Variants in RECQL5 observed in about 807,000 individuals in gnomAD.
The protein encoded by RECQL5 is RecQ like helicase 5.
RECQL5 carries 88 observed loss-of-function variants against 103.4 expected under a neutral mutation model. That is an observed-to-expected ratio of 0.85 (90% confidence interval 0.72 to 1.02). RECQL5 has a LOEUF of 1.02. RECQL5 is among the 50% of genes least tolerant of loss of function. The probability of loss-of-function intolerance (pLI) is 0.00; values close to 1 mark genes in which losing one functional copy is unlikely to be tolerated. For synonymous variants in RECQL5, 552 were observed against 507.9 expected (o/e 1.09, Z -1.17); for missense variants, 1,232 against 1,284.3 (o/e 0.96, Z 0.62).
intron 8 of RECQL5, among the ~76,000 whole-genome samples, chr17:75,644,543 G>T (rs945487691): frequency 4.0e-5 from 6 of 151,298 alleles, no homozygotes; most frequent in African/African-American, 1.5e-4. Context: ...CATGACAGTG[G>T]CACTGCACTC....
chr17:75,661,532 A>T, intron 5 of RECQL5, 74 bp downstream of exon 5: 1 of 1,000,318 alleles, frequency 1.0e-6, no homozygotes, highest in Non-Finnish European at 1.6e-6. Flanking sequence ...GATAACCAGG[A>T]TCTGTAAAGA....
At position 75,629,332 on chromosome 17, in the gene RECQL5, G is replaced by A. The variant is rs1364699429; in HGVS notation, c.2091C>T (p.Pro697=). ...RGGEHEPPSR[P]CGLLDEDGSE... The stretch of plus-strand genomic sequence containing the variant: ...TCCCATCCTCATCCAGGAGGCCACA[G>A]GGCCGGCTCGGGGGCTCGTGCTCGC... The change falls in exon 16 of 20, where the codon CCC becomes CCT. Residue 697 remains proline (P), a synonymous_variant. Transcript: ENST00000317905. 1 of 1,528,282 alleles carries A rather than the reference G, an allele frequency of 6.5e-7. No individual in the cohort carries two copies. Among genetic ancestry groups the A allele is most frequent in the East Asian group, 2.3e-5 (1 of 43,772 alleles). 94.7% of individuals were successfully genotyped at this position (1,528,282 alleles called of 1,614,324 possible).
At chr17:75,643,261 G>A (rs773806427) in intron 8 of RECQL5, among the ~76,000 whole-genome samples, 2 of 152,252 alleles carry the variant, frequency 1.3e-5, no homozygotes, top group Non-Finnish European at 2.9e-5. Flanking sequence ...ATCAGCATAA[G>A]AATAGCCCTG....
intron 8 of RECQL5, chr17:75,638,550 A>G (rs2059370901): frequency 6.6e-6 from 1 of 152,404 alleles, no homozygotes; most frequent in Non-Finnish European, 1.5e-5. Flanking sequence ...CCTTCAGGGC[A>G]CACACCGCAG....
intron 6 of RECQL5, among the ~76,000 whole-genome samples, chr17:75,659,208 G>C (rs1224004321): frequency 1.3e-5 from 2 of 151,886 alleles, no homozygotes; most frequent in Non-Finnish European, 2.9e-5. Context: ...ACTACAGGTG[G>C]GCGCCACCAT....
At chr17:75,628,175 A>C (rs1403821537) in intron 18 of RECQL5, 43 bp downstream of exon 18, 1 of 1,541,090 alleles carries the variant, frequency 6.5e-7, no homozygotes, top group Admixed American at 1.7e-5. Flanking sequence ...ACACCCACAT[A>C]CCCCAGGCAT....
intron 3 of RECQL5, among the ~76,000 whole-genome samples, chr17:75,663,518 A>G (rs1047706929): frequency 1.3e-5 from 2 of 152,116 alleles, no homozygotes; most frequent in Admixed American, 6.6e-5. Context: ...TCAGCACTAA[A>G]ATTTTTTGGA....
intron 9 of RECQL5, 53 bp from the exon 10 acceptor site, chr17:75,631,302 G>A (rs1204103231): frequency 8.2e-6 from 13 of 1,575,866 alleles, no homozygotes; most frequent in Non-Finnish European, 1.1e-5. Flanking sequence ...CCCTCCCCAT[G>A]TGTGCTGCTG....
intron 2 of RECQL5, among the ~76,000 whole-genome samples, chr17:75,665,764 G>A (rs2059767193): frequency 6.6e-6 from 1 of 151,912 alleles, no homozygotes; most frequent in Non-Finnish European, 1.5e-5. Context: ...CATGAAAGCA[G>A]AGTACTGCTA....
intron 7 of RECQL5, among the ~76,000 whole-genome samples, chr17:75,651,593 C>T (rs1001598857): frequency 1.3e-5 from 2 of 151,986 alleles, no homozygotes; most frequent in African/African-American, 4.8e-5. Context: ...CACTGCACTC[C>T]GTCTCAAAAA....
intron 8 of RECQL5, chr17:75,634,310 G>C (rs911608102): frequency 1.5e-5 from 14 of 962,636 alleles, no homozygotes; most frequent in Non-Finnish European, 1.6e-5. Flanking sequence ...AGAGGTCTTC[G>C]GGGACATGCT....
At chr17:75,642,325 G>A (rs1024749864) in intron 8 of RECQL5, among the ~76,000 whole-genome samples, 7 of 152,302 alleles carry the variant, frequency 4.6e-5, no homozygotes, top group East Asian at 1.9e-4. Flanking sequence ...CTTGGCCTGC[G>A]TGACCCGTGC....
Position 75,661,693 on chromosome 17 carries a change from T to C in RECQL5, c.787A>G (p.Ile263Val). Residue 263 changes from isoleucine (I) to valine (V), a missense_variant, in exon 5 of 20, where the codon ATT becomes GTT. Transcript: ENST00000317905. ...GCCTCTCTAGTCCTGCAGTACACAA[T>C]GCCGCAGCCAGATAACTGAATGGGG... ...EADKGLSGCGIVYCRTREACE... is the reference protein window; with the variant it reads ...EADKGLSGCGVVYCRTREACE... 6.2e-7 allele frequency: 1 copy of C among 1,613,986 alleles called. No individual in the cohort carries two copies.
chr17:75,633,521 C>G, intron 8 of RECQL5: 10 of 1,287,774 alleles, frequency 7.8e-6, no homozygotes, highest in Non-Finnish European at 1.0e-5. Flanking sequence ...CTCAGGATTC[C>G]AAGTTCTCCC....
At chr17:75,635,777 C>T in intron 8 of RECQL5, 2 of 985,394 alleles carry the variant, frequency 2.0e-6, no homozygotes, top group Non-Finnish European at 2.4e-6. Flanking sequence ...GCAAGCAGCC[C>T]TCTGGGGCCC....
intron 8 of RECQL5, among the ~76,000 whole-genome samples, chr17:75,642,265 G>A (rs1006145985): frequency 1.2e-4 from 19 of 152,162 alleles, no homozygotes; most frequent in African/African-American, 4.3e-4. Flanking sequence ...GCCTCCCCGG[G>A]GCTTCCCCAG....
intron 8 of RECQL5, chr17:75,649,914 A>C (rs2059533587): frequency 3.0e-6 from 3 of 985,586 alleles, no homozygotes; most frequent in Non-Finnish European, 3.6e-6. Context: ...GGAAGGTGAC[A>C]GGAGAAATGA....
intron 8 of RECQL5, chr17:75,641,023 C>A: frequency 6.9e-7 from 1 of 1,449,182 alleles, no homozygotes; most frequent in Non-Finnish European, 9.1e-7. Context: ...TCTGGCCCAG[C>A]CCAGGTACCT....
intron 13 of RECQL5, 72 bp downstream of exon 13, chr17:75,630,547 T>C: frequency 6.6e-7 from 1 of 1,525,558 alleles, no homozygotes; most frequent in Non-Finnish European, 9.1e-7. Flanking sequence ...AGGCCAGGGT[T>C]GACAGGGTCC....
Sources: allele counts gnomAD v4.1 joint callset (sites outside exome capture counted in the v4.1 genomes callset), GRCh38; gene constraint gnomAD v4.1.1; transcripts MANE v1.5; gene names NCBI Gene and HGNC (gene_info 2026-07-23, HGNC 2026-07-21).